SRFBP1: variants seen among roughly 807,000 people sequenced by gnomAD.
The protein encoded by SRFBP1 is serum response factor binding protein 1, also known as serum response factor-binding protein 1.
Under a neutral mutation model 45.5 loss-of-function variants are expected in SRFBP1, and 47 were observed. The observed-to-expected ratio is 1.03, with a 90% CI of 0.82 to 1.32. SRFBP1 has a LOEUF of 1.32. Ranked by LOEUF, SRFBP1 falls within the 40% of genes most tolerant of loss-of-function variation. The pLI is 0.00. For synonymous variants in SRFBP1, 203 were observed against 166.3 expected, an observed-to-expected ratio of 1.22 and a Z score of -1.70; for missense variants, 621 against 484.6, an observed-to-expected ratio of 1.28 and a Z score of -2.64.
At chr5:121,992,858 G>C (rs1019393153) in intron 3 of SRFBP1, among the ~76,000 whole-genome samples, 1 of 151,760 alleles carries the variant, frequency 6.6e-6, no homozygotes, top group African/African-American at 2.4e-5. Flanking sequence ...CTGGGGCTTT[G>C]GGTTTCTGGG....
chr5:122,073,109 A>T lies in SRFBP1; in HGVS notation n.312-2206A>T, dbSNP rs77267561. Among the ~76,000 whole-genome samples, 438 of 152,302 alleles carry T rather than the reference A, an allele frequency of 2.9e-3. 3 individuals are homozygous for T. The highest frequency in any genetic ancestry group is 9.8e-3 in the African/African-American group (406 of 41,556). Reference sequence around the variant, plus strand: ...AGGTCACCAAACAGCTTCCTGCCACAGCCCTGGAATTTGCTTCCCAAGATG... The same window carrying T: ...AGGTCACCAAACAGCTTCCTGCCACTGCCCTGGAATTTGCTTCCCAAGATG... On this transcript the variant is annotated intron_variant and non_coding_transcript_variant, in intron 2 of 2. Coordinates refer to the SRFBP1 transcript ENST00000504881.
At chr5:122,060,924 C>T (rs1027447418) in intron 2 of SRFBP1, among the ~76,000 whole-genome samples, 1 of 152,086 alleles carries the variant, frequency 6.6e-6, no homozygotes, top group Admixed American at 6.6e-5. Context: ...CTAAAACAAA[C>T]GTGAAGTGAT....
chr5:122,032,630 G>C (rs561847270), downstream of SRFBP1, among the ~76,000 whole-genome samples: 1 of 152,052 alleles, frequency 6.6e-6, no homozygotes, highest in Non-Finnish European at 1.5e-5. Context: ...TTGTCTTATA[G>C]TACTCCACTG....
chr5:122,058,486 A>G (rs2152580737), intron 2 of SRFBP1, among the ~76,000 whole-genome samples: 1 of 152,076 alleles, frequency 6.6e-6, no homozygotes, highest in South Asian at 2.1e-4. Flanking sequence ...AGAATGAAGA[A>G]AATAATAGAT....
Position 122,022,402 on chromosome 5 carries a change from C to A in SRFBP1, c.1100C>A (p.Ser367Tyr), listed in dbSNP as rs772890801. ...NFKEQAPKTR[S>Y]LDFPQNEPQI... ...AAAGAACAGGCTCCAAAAACAAGATCCCTAGGTATGTATTCATAGTTGCCT... is the reference window on the plus strand; with the variant it reads ...AAAGAACAGGCTCCAAAAACAAGATACCTAGGTATGTATTCATAGTTGCCT... The change falls in exon 7 of 8, where the codon TCC (serine) becomes TAC (tyrosine). Residue 367 changes from serine to tyrosine, a missense_variant. Ser to Tyr is a moderately radical substitution (Grantham distance 144). Transcript: ENST00000339397. 1 of 1,611,172 alleles carries A rather than the reference C, an allele frequency of 6.2e-7. No homozygotes were observed. Among genetic ancestry groups the A allele is most frequent in the South Asian group, 1.1e-5 (1 of 90,412 alleles).
At chr5:122,074,462 A>T (rs1754555307) in intron 2 of SRFBP1, among the ~76,000 whole-genome samples, 1 of 152,162 alleles carries the variant, frequency 6.6e-6, no homozygotes, top group African/African-American at 2.4e-5. Flanking sequence ...ACAATAAATT[A>T]TCTGTGCTTA....
chr5:121,982,949 C>CT (rs1179095391), intron 3 of SRFBP1, among the ~76,000 whole-genome samples: 1 of 151,688 alleles, frequency 6.6e-6, no homozygotes, highest in East Asian at 1.9e-4. Flanking sequence ...ATCCAAAGCA[C>CT]TTTTAAATTA....
intron 3 of SRFBP1, among the ~76,000 whole-genome samples, chr5:121,987,763 C>G (rs1752545583): frequency 1.3e-5 from 2 of 152,122 alleles, no homozygotes; most frequent in South Asian, 4.1e-4. Context: ...TGATAAGATT[C>G]TCTTGAAATT....
intron 2 of SRFBP1, among the ~76,000 whole-genome samples, chr5:122,041,776 T>A (rs1489602459): frequency 1.3e-5 from 2 of 152,186 alleles, no homozygotes; most frequent in African/African-American, 4.8e-5. Context: ...GTTTTACTTA[T>A]TCCTTTCTAA....
rs766735040 is a variant in SRFBP1, at chr5:121,974,290, T to G, written c.125+6T>G. 1.3e-6 allele frequency: 2 copies of G among 1,598,726 alleles called. No individual in the cohort carries two copies. The highest frequency in any genetic ancestry group is 1.7e-6 in the Non-Finnish European group (2 of 1,167,144). On this transcript the variant is annotated splice_donor_region_variant and intron_variant, in intron 2 of 7. Transcript: ENST00000339397. Reference sequence around the variant, plus strand: ...GGCCGACTGAAGTCAAAAAAGTTAGTCATTTAAAGTAATGATCTTGTGACT... The same window carrying G: ...GGCCGACTGAAGTCAAAAAAGTTAGGCATTTAAAGTAATGATCTTGTGACT...
chr5:122,010,666 C>T (rs1463517081), intron 4 of SRFBP1, among the ~76,000 whole-genome samples: 1 of 151,810 alleles, frequency 6.6e-6, no homozygotes, highest in African/African-American at 2.4e-5. Flanking sequence ...GTAATGTTCA[C>T]ATATAACATT....
At chr5:122,077,494 G>A (rs904395934), downstream of SRFBP1, 1 of 1,613,924 alleles carries the variant, frequency 6.2e-7, no homozygotes, top group African/African-American at 1.3e-5. This position sits in a 1 kb window ranked among gnomAD's most constrained non-coding sequence, Gnocchi z 4.9. Context: ...CCACCATGCC[G>A]TCCACGCGGC....
At chr5:122,016,529 G>A (rs77852694) in intron 4 of SRFBP1, among the ~76,000 whole-genome samples, 5 of 151,966 alleles carry the variant, frequency 3.3e-5, no homozygotes, top group Non-Finnish European at 2.9e-5. Flanking sequence ...CTGAAATCTT[G>A]TAGGTCCCAA....
At chr5:122,074,548 CAT>C (rs1221329920) in intron 2 of SRFBP1, among the ~76,000 whole-genome samples, 1 of 152,134 alleles carries the variant, frequency 6.6e-6, no homozygotes, top group African/African-American at 2.4e-5. Context: ...AAAAGCAGCA[CAT>C]GACTTTTTCA....
chr5:121,980,554 AT>A (rs764174571), intron 3 of SRFBP1, among the ~76,000 whole-genome samples: 2 of 151,988 alleles, frequency 1.3e-5, no homozygotes, highest in East Asian at 1.9e-4. Context: ...TTTGAGAGCA[AT>A]TTTTTTGAAC....
chr5:122,019,372 C>CTTAATG (rs776562033), intron 5 of SRFBP1, 31 bp downstream of exon 5: 2 of 1,546,274 alleles, frequency 1.3e-6, no homozygotes, highest in South Asian at 2.3e-5. Flanking sequence ...AAGCCATGTA[C>CTTAATG]TTAATGTATT....
chr5:122,001,957 T>G (rs547323235), intron 4 of SRFBP1, among the ~76,000 whole-genome samples: 10 of 152,316 alleles, frequency 6.6e-5, no homozygotes, highest in African/African-American at 2.4e-4. Context: ...GAATTTATAC[T>G]TGTAACTAAC....
At chr5:121,987,027 G>GT (rs932067042) in intron 3 of SRFBP1, among the ~76,000 whole-genome samples, 1 of 152,112 alleles carries the variant, frequency 6.6e-6, no homozygotes, top group African/African-American at 2.4e-5. Context: ...CAAACTGAAA[G>GT]TTTGACTTCA....
chr5:122,003,542 A>T (rs1182536044), intron 4 of SRFBP1, among the ~76,000 whole-genome samples: 1 of 152,138 alleles, frequency 6.6e-6, no homozygotes, highest in Non-Finnish European at 1.5e-5. Flanking sequence ...TAGCATACTG[A>T]TTTCCTTTCC....
Sources: gnomAD v4.1 joint callset for allele counts (sites outside exome capture counted in the v4.1 genomes callset) on GRCh38, gnomAD v4.1.1 for gene constraint, Gnocchi (gnomAD v3.1) non-coding constraint, MANE v1.5 for transcripts, NCBI Gene and HGNC (gene_info 2026-07-23, HGNC 2026-07-21) for gene names.